MGAT4C: variants seen among roughly 807,000 people sequenced by gnomAD.
The protein encoded by MGAT4C is alpha-1,3-mannosyl-glycoprotein 4-beta-N-acetylglucosaminyltransferase C.
A neutral mutation model predicts 40.1 loss-of-function variants in MGAT4C; 19 were observed. The ratio of observed to expected loss-of-function variants is 0.47; its 90% CI spans 0.33 to 0.70. The LOEUF (loss-of-function observed/expected upper bound fraction) is 0.70, where lower values mean the gene tolerates loss of function less well. MGAT4C is among the 30% of genes least tolerant of loss of function. The pLI is 0.02. For synonymous variants in MGAT4C, 181 were observed against 187.1 expected (o/e 0.97, Z 0.27); for missense variants, 491 against 563.2 (o/e 0.87, Z 1.30).
At chr12:86,016,902 AT>A (rs1158404178) in intron 2 of MGAT4C, among the ~76,000 whole-genome samples, 2 of 151,946 alleles carry the variant, frequency 1.3e-5, no homozygotes. Flanking sequence ...TCTCTTATCA[AT>A]TCTCTCATTT....
chr12:86,774,019 C>T (rs1241553307), intron 1 of MGAT4C, among the ~76,000 whole-genome samples: 1 of 130,460 alleles, frequency 7.7e-6, no homozygotes, highest in Non-Finnish European at 1.6e-5. Context: ...ACTGGCATGA[C>T]CTGGGCTTAC....
chr12:86,566,652 T>C (rs936234005), intron 2 of MGAT4C, among the ~76,000 whole-genome samples: 1 of 144,828 alleles, frequency 6.9e-6, no homozygotes, highest in Non-Finnish European at 1.5e-5. Flanking sequence ...TAAATGTATA[T>C]AGGTATGTAT....
chr12:86,760,326 A>C (rs1163984377), intron 1 of MGAT4C, among the ~76,000 whole-genome samples: 2 of 152,038 alleles, frequency 1.3e-5, no homozygotes, highest in Admixed American at 1.3e-4. Flanking sequence ...ACTAGAAAAA[A>C]CTAGAAGAAA....
At chr12:86,628,986 T>C (rs1168708792) in intron 2 of MGAT4C, among the ~76,000 whole-genome samples, 1 of 151,868 alleles carries the variant, frequency 6.6e-6, no homozygotes, top group South Asian at 2.1e-4. Context: ...TCAGCGCTAT[T>C]AGTGCGCTGT....
chr12:86,492,022 A>G (rs1391916489), intron 2 of MGAT4C, among the ~76,000 whole-genome samples: 1 of 152,204 alleles, frequency 6.6e-6, no homozygotes, highest in African/African-American at 2.4e-5. Flanking sequence ...AGAGAGCCAA[A>G]TCACGAGTGA....
intron 4 of MGAT4C, among the ~76,000 whole-genome samples, chr12:86,293,745 T>C: frequency 6.6e-6 from 1 of 152,190 alleles, no homozygotes; most frequent in Middle Eastern, 3.2e-3. Flanking sequence ...AATTAGATCA[T>C]GTTCTCATGA....
chr12:86,469,046 C>T (rs1957721497), intron 2 of MGAT4C, among the ~76,000 whole-genome samples: 1 of 152,096 alleles, frequency 6.6e-6, no homozygotes, highest in African/African-American at 2.4e-5. Flanking sequence ...CCTTTCCCCT[C>T]ACATAACCAG....
At chr12:86,117,368 T>C (rs1195642984) in intron 1 of MGAT4C, among the ~76,000 whole-genome samples, 1 of 152,148 alleles carries the variant, frequency 6.6e-6, no homozygotes, top group Non-Finnish European at 1.5e-5. Flanking sequence ...AGTGAAAATG[T>C]ATTATTTGAA....
chr12:86,158,971 T>A (rs1885285865), intron 1 of MGAT4C, among the ~76,000 whole-genome samples: 2 of 152,308 alleles, frequency 1.3e-5, no homozygotes, highest in Non-Finnish European at 1.5e-5. Context: ...TAGGATCATA[T>A]CCTCAGCAAA....
intron 2 of MGAT4C, among the ~76,000 whole-genome samples, chr12:86,452,260 G>A (rs955016852): frequency 2.0e-5 from 3 of 151,448 alleles, no homozygotes; most frequent in Non-Finnish European, 4.4e-5. Flanking sequence ...ACAACGTGCA[G>A]GTTTGTTCCA....
chr12:86,228,308 CA>C (rs1951177743), intron 1 of MGAT4C, among the ~76,000 whole-genome samples: 1 of 151,764 alleles, frequency 6.6e-6, no homozygotes, highest in South Asian at 2.1e-4. Flanking sequence ...GGAAGATTAG[CA>C]GTCTAAAATT....
chr12:86,469,264 G>T (rs4300451), intron 2 of MGAT4C, among the ~76,000 whole-genome samples: 134,473 of 152,184 alleles, frequency 0.88, 59,493 homozygotes, highest in East Asian at 1. Context: ...TGTTGTGTAA[G>T]GCTTCTTGTT....
intron 2 of MGAT4C, among the ~76,000 whole-genome samples, chr12:86,675,110 T>C (rs979439915): frequency 6.6e-6 from 1 of 152,158 alleles, no homozygotes; most frequent in Non-Finnish European, 1.5e-5. Flanking sequence ...CATGTCATCG[T>C]CAAAATTTGA....
At chr12:86,504,860 G>A (rs1008038539) in intron 2 of MGAT4C, among the ~76,000 whole-genome samples, 4 of 152,138 alleles carry the variant, frequency 2.6e-5, no homozygotes, top group Non-Finnish European at 5.9e-5. Flanking sequence ...TGTTGGCCAC[G>A]ATGGTCTCGA....
chr12:86,554,489 T>A (rs906448981), intron 2 of MGAT4C, among the ~76,000 whole-genome samples: 2 of 152,216 alleles, frequency 1.3e-5, no homozygotes, highest in African/African-American at 4.8e-5. Context: ...AGTCTGTGTA[T>A]CCTTTTCACA....
At chr12:86,371,641 T>G (rs891851501) in intron 3 of MGAT4C, among the ~76,000 whole-genome samples, 1 of 152,020 alleles carries the variant, frequency 6.6e-6, no homozygotes, top group Non-Finnish European at 1.5e-5. Context: ...GCTAGGACCC[T>G]GACTTAGAGC....
At chr12:86,720,324 T>C (rs1565947034) in intron 2 of MGAT4C, among the ~76,000 whole-genome samples, 1 of 152,032 alleles carries the variant, frequency 6.6e-6, no homozygotes, top group East Asian at 1.9e-4. Flanking sequence ...GCCTCAAAGT[T>C]ATGCAATATC....
intron 1 of MGAT4C, among the ~76,000 whole-genome samples, chr12:86,133,392 T>C (rs1322965849): frequency 6.6e-6 from 1 of 152,206 alleles, no homozygotes; most frequent in East Asian, 1.9e-4. Flanking sequence ...TGTCTTGCCT[T>C]ATAAGCTTTT....
chr12:86,191,572 C>T (rs1889459032), intron 1 of MGAT4C, among the ~76,000 whole-genome samples: 1 of 149,780 alleles, frequency 6.7e-6, no homozygotes, highest in Admixed American at 6.6e-5. Context: ...AAATTCCCAG[C>T]TCAAGTACAA....
Sources: allele counts gnomAD v4.1 joint callset (sites outside exome capture counted in the v4.1 genomes callset), GRCh38; gene constraint gnomAD v4.1.1; transcripts MANE v1.5; gene names NCBI Gene and HGNC (gene_info 2026-07-23, HGNC 2026-07-21).